FHIT: variants seen among roughly 807,000 people sequenced by gnomAD.
FHIT encodes fragile histidine triad diadenosine triphosphatase, also known as bis(5'-adenosyl)-triphosphatase.
In FHIT, 19 loss-of-function variants were observed where a neutral mutation model predicts 17.9. The ratio of observed to expected loss-of-function variants is 1.06; its 90% confidence interval spans 0.74 to 1.56. The LOEUF is 1.56. FHIT is among the 40% of genes most tolerant of loss of function. FHIT has a pLI of 0.00. For synonymous variants in FHIT, 81 were observed against 69.7 expected (o/e 1.16, Z -0.81); for missense variants, 248 against 189.2 (o/e 1.31, Z -1.82).
intron 8 of FHIT, among the ~76,000 whole-genome samples, chr3:59,833,369 A>G (rs1701230854): frequency 6.6e-6 from 1 of 152,204 alleles, no homozygotes; most frequent in Admixed American, 6.5e-5. Flanking sequence ...TGAGATACAC[A>G]TAATGTCTTG....
At chr3:59,952,619 G>T (rs1369128774) in intron 7 of FHIT, among the ~76,000 whole-genome samples, 1 of 152,144 alleles carries the variant, frequency 6.6e-6, no homozygotes, top group Non-Finnish European at 1.5e-5. Flanking sequence ...TCCCATTATA[G>T]GGTATTAAGC....
At chr3:60,889,951 C>T (rs782216101) in intron 3 of FHIT, among the ~76,000 whole-genome samples, 7 of 152,178 alleles carry the variant, frequency 4.6e-5, no homozygotes, top group Non-Finnish European at 8.8e-5. Context: ...TGTCTGTGCA[C>T]ATACCCTTAT....
chr3:60,738,864 T>A (rs1207307319), intron 4 of FHIT, among the ~76,000 whole-genome samples: 2 of 152,182 alleles, frequency 1.3e-5, no homozygotes, highest in African/African-American at 2.4e-5. Context: ...AGTGGGGCAT[T>A]TCTGTTTTTG....
At chr3:59,756,490 A>AAATACAAGACACTCAGTGACTTGTT (rs1701226956) in intron 8 of FHIT, among the ~76,000 whole-genome samples, 1 of 129,592 alleles carries the variant, frequency 7.7e-6, no homozygotes, top group Admixed American at 7.4e-5. Context: ...TAGCAAACAA[A>AAATACAAGACACTCAGTGACTTGTT]AATACAAGAC....
intron 5 of FHIT, among the ~76,000 whole-genome samples, chr3:60,460,976 T>C (rs1330838335): frequency 3.3e-5 from 5 of 152,184 alleles, no homozygotes; most frequent in African/African-American, 1.2e-4. Flanking sequence ...AAATATATTT[T>C]AAGGTTAAGT....
chr3:60,829,601 T>C (rs1183050330), intron 3 of FHIT, among the ~76,000 whole-genome samples: 14 of 152,202 alleles, frequency 9.2e-5, no homozygotes, highest in Admixed American at 9.2e-4. Context: ...CTCAAGTTTC[T>C]TGAGATCTGG....
At chr3:60,127,590 TTTTA>T (rs1173023197) in intron 5 of FHIT, among the ~76,000 whole-genome samples, 1 of 152,054 alleles carries the variant, frequency 6.6e-6, no homozygotes, top group African/African-American at 2.4e-5. Flanking sequence ...AATAAGAACA[TTTTA>T]TTTATTTTTT....
At chr3:60,904,233 A>G (rs1706270214) in intron 3 of FHIT, among the ~76,000 whole-genome samples, 1 of 152,180 alleles carries the variant, frequency 6.6e-6, no homozygotes, top group Admixed American at 6.5e-5. Flanking sequence ...CTTCCTGCCT[A>G]GGAGAGATAG....
chr3:60,709,250 G>A (rs929998397), intron 4 of FHIT, among the ~76,000 whole-genome samples: 33 of 152,178 alleles, frequency 2.2e-4, no homozygotes, highest in Non-Finnish European at 3.8e-4. Context: ...AAGAGCTAGT[G>A]AGAAGAGTGG....
intron 7 of FHIT, among the ~76,000 whole-genome samples, chr3:60,004,496 G>T (rs552937629): frequency 6.6e-5 from 10 of 152,154 alleles, no homozygotes; most frequent in African/African-American, 2.4e-4. Flanking sequence ...TAATAAACAG[G>T]GATTGTCCTC....
chr3:60,701,123 CTTTT>C (rs11425787), intron 4 of FHIT, among the ~76,000 whole-genome samples: 2 of 132,654 alleles, frequency 1.5e-5, no homozygotes. Flanking sequence ...TGAAAAGACC[CTTTT>C]TTTTTTTTTT....
chr3:60,561,053 T>C (rs993212537), intron 4 of FHIT, among the ~76,000 whole-genome samples: 1 of 152,046 alleles, frequency 6.6e-6, no homozygotes. Context: ...AATGAACAAA[T>C]GGATTCATTC....
intron 7 of FHIT, among the ~76,000 whole-genome samples, chr3:60,003,546 A>G (rs679107): frequency 0.013 from 2,028 of 152,248 alleles, 33 homozygotes; most frequent in African/African-American, 0.046. Context: ...GGAGTTTGAG[A>G]CCAGCCTGGC....
chr3:60,353,651 T>A (rs1180645961), intron 5 of FHIT, among the ~76,000 whole-genome samples: 1 of 152,096 alleles, frequency 6.6e-6, no homozygotes, highest in African/African-American at 2.4e-5. Flanking sequence ...ACATAGAGCT[T>A]TTGTTAGAAA....
rs182617217 is a variant in FHIT at position 60,968,111 on chromosome 3, T to C, written c.-111+73936A>G. On this transcript the variant is annotated intron_variant, in intron 3 of 9. Coordinates refer to ENST00000492590, the MANE Select transcript of FHIT (RefSeq NM_002012.4). ...AGTCTGATCCAAGGTGTTGCCAGAA[T>C]GGCAGCCCGAGTTGAGAGCAGAAAT... Among the ~76,000 whole-genome samples the C allele has an allele frequency of 3.0e-3, 463 of 152,352 alleles. 3 individuals carry two copies. The highest frequency in any genetic ancestry group is 0.011 in the African/African-American group (448 of 41,588).
intron 5 of FHIT, among the ~76,000 whole-genome samples, chr3:60,056,434 A>T (rs1268746831): frequency 2.0e-5 from 3 of 152,192 alleles, no homozygotes; most frequent in Non-Finnish European, 4.4e-5. Context: ...TCCCGATTCT[A>T]TTGTTTGCAG....
chr3:59,942,439 A>G (rs138493392), intron 7 of FHIT, among the ~76,000 whole-genome samples: 184 of 152,284 alleles, frequency 1.2e-3, no homozygotes, highest in Middle Eastern at 3.4e-3. Flanking sequence ...TTGTCAGACC[A>G]TTGGTTAAAT....
At position 59,930,198 on chromosome 3, in the gene FHIT, T is replaced by G. The variant is rs550660584; in HGVS notation, c.280-7784A>C. Among the ~76,000 whole-genome samples, 5 of 152,290 alleles carry G rather than the reference T, an allele frequency of 3.3e-5. No individual in the cohort carries two copies. In the South Asian group the frequency reaches 1.0e-3, roughly 32 times the overall value. ...GGAGACATCAATACTCCAGCACTTC[T>G]GCCTTCTCCCACCTGGAGAGTGAGA... is the stretch of plus-strand genomic sequence containing the variant. On this transcript the variant is annotated intron_variant, in intron 7 of 9. Coordinates refer to ENST00000492590, the MANE Select transcript of FHIT (RefSeq NM_002012.4).
At chr3:60,367,574 G>A (rs1016126979) in intron 5 of FHIT, among the ~76,000 whole-genome samples, 1 of 152,126 alleles carries the variant, frequency 6.6e-6, no homozygotes, top group Non-Finnish European at 1.5e-5. Context: ...AACACTTGAT[G>A]CCTTTATGAA....
Sources: gnomAD v4.1 joint callset for allele counts (sites outside exome capture counted in the v4.1 genomes callset) on GRCh38, gnomAD v4.1.1 for gene constraint, MANE v1.5 for transcripts, NCBI Gene and HGNC (gene_info 2026-07-23, HGNC 2026-07-21) for gene names.